CTNND2: variants seen among roughly 807,000 people sequenced by gnomAD.
The protein encoded by CTNND2 is catenin delta 2, also known as catenin delta-2.
CTNND2 carries 22 observed loss-of-function variants against 144.4 expected under a neutral mutation model. The ratio of observed to expected loss-of-function variants is 0.15; its 90% confidence interval spans 0.11 to 0.22. CTNND2 has a LOEUF of 0.22. Among genes scored for constraint, CTNND2 ranks in the 10% least tolerant of loss-of-function variants. CTNND2 has a pLI of 1.00. For missense variants in CTNND2, 1,353 were observed against 1,618.8 expected, an observed-to-expected ratio of 0.84 and a Z score of 2.82; for synonymous variants, 751 against 695.6, an observed-to-expected ratio of 1.08 and a Z score of -1.25.
intron 16 of CTNND2, among the ~76,000 whole-genome samples, chr5:11,071,153 C>T (rs12659850): frequency 0.13 from 19,295 of 152,090 alleles, 2,240 homozygotes; most frequent in East Asian, 0.58. Flanking sequence ...CAAATGCTGC[C>T]GGAAGGTTCC....
chr5:11,601,217 GAAC>G (rs1779775936), intron 2 of CTNND2, among the ~76,000 whole-genome samples: 1 of 152,084 alleles, frequency 6.6e-6, no homozygotes, highest in Non-Finnish European at 1.5e-5. Context: ...AAATATTTGA[GAAC>G]AACAGGAAAG....
At chr5:11,768,479 C>T (rs1474249973) in intron 1 of CTNND2, among the ~76,000 whole-genome samples, 3 of 152,050 alleles carry the variant, frequency 2.0e-5, no homozygotes, top group African/African-American at 7.2e-5. Flanking sequence ...TCAGTAGAGA[C>T]GGGTTTTCAT....
chr5:11,107,132 T>C (rs1371918812), intron 14 of CTNND2, among the ~76,000 whole-genome samples: 1 of 152,198 alleles, frequency 6.6e-6, no homozygotes, highest in Non-Finnish European at 1.5e-5. Context: ...AAAGGATATA[T>C]GCCCAGATGT....
At chr5:11,523,592 G>C (rs765074548) in intron 3 of CTNND2, among the ~76,000 whole-genome samples, 2 of 152,190 alleles carry the variant, frequency 1.3e-5, no homozygotes, top group Non-Finnish European at 2.9e-5. Context: ...TTTCTTCAGA[G>C]AAGAACTTTT....
intron 2 of CTNND2, among the ~76,000 whole-genome samples, chr5:11,710,539 C>CA (rs1197887467): frequency 0.13 from 9,191 of 68,444 alleles, 474 homozygotes; most frequent in African/African-American, 0.22. Context: ...GACTCCATCT[C>CA]AAAAAAAAAA....
intron 2 of CTNND2, among the ~76,000 whole-genome samples, chr5:11,662,189 A>ATATATGTGTATATATGCATATATGTG (rs1783276075): frequency 7.5e-6 from 1 of 133,490 alleles, no homozygotes; most frequent in African/African-American, 2.6e-5. Flanking sequence ...ATATATGTGT[A>ATATATGTGTATATATGCATATATGTG]TATATGTGTA....
intron 2 of CTNND2, among the ~76,000 whole-genome samples, chr5:11,663,196 A>T (rs1397154998): frequency 6.6e-6 from 1 of 152,222 alleles, no homozygotes; most frequent in African/African-American, 2.4e-5. Flanking sequence ...ATCATAAAAA[A>T]TGTGTCTGCA....
chr5:11,792,880 CT>C (rs1479134710), intron 1 of CTNND2, among the ~76,000 whole-genome samples: 5 of 152,132 alleles, frequency 3.3e-5, no homozygotes, highest in Admixed American at 1.3e-4. Flanking sequence ...CCAACAAAGG[CT>C]TAAAATGATA....
intron 19 of CTNND2, among the ~76,000 whole-genome samples, chr5:10,990,356 G>A (rs1738531903): frequency 6.6e-6 from 1 of 152,188 alleles, no homozygotes. Flanking sequence ...AAGAACAACT[G>A]AGTCCTTAGC....
intron 12 of CTNND2, among the ~76,000 whole-genome samples, chr5:11,131,899 G>A (rs772167772): frequency 2.0e-5 from 3 of 151,960 alleles, no homozygotes; most frequent in Non-Finnish European, 4.4e-5. Context: ...TTAACAAATC[G>A]TACTTCAAAG....
At chr5:11,272,174 G>C (rs1746095601) in intron 9 of CTNND2, among the ~76,000 whole-genome samples, 2 of 152,032 alleles carry the variant, frequency 1.3e-5, no homozygotes. Flanking sequence ...GATTAATTCA[G>C]AAAACAATTA....
At chr5:11,467,405 C>A (rs182719542) in intron 3 of CTNND2, among the ~76,000 whole-genome samples, 1 of 152,284 alleles carries the variant, frequency 6.6e-6, no homozygotes, top group East Asian at 1.9e-4. Context: ...TTGCTTATGT[C>A]GGAGGCTGAG....
intron 1 of CTNND2, among the ~76,000 whole-genome samples, chr5:11,885,210 A>G (rs896704987): frequency 2.0e-5 from 3 of 152,018 alleles, no homozygotes; most frequent in Non-Finnish European, 4.4e-5. Context: ...TTCCCCTTCA[A>G]TTTTTTGGAC....
At chr5:11,613,341 A>C (rs1023608069) in intron 2 of CTNND2, among the ~76,000 whole-genome samples, 1 of 152,224 alleles carries the variant, frequency 6.6e-6, no homozygotes, top group Non-Finnish European at 1.5e-5. Flanking sequence ...AAATTAAAAT[A>C]ATCTTTTTAA....
At chr5:11,713,863 G>T (rs1315526832) in intron 2 of CTNND2, among the ~76,000 whole-genome samples, 1 of 152,050 alleles carries the variant, frequency 6.6e-6, no homozygotes, top group Non-Finnish European at 1.5e-5. Context: ...ATCTAAACTT[G>T]CCATCTTTAG....
intron 9 of CTNND2, among the ~76,000 whole-genome samples, chr5:11,314,205 G>A (rs1751276118): frequency 6.6e-6 from 1 of 152,068 alleles, no homozygotes; most frequent in Non-Finnish European, 1.5e-5. Context: ...GCTCAACTGT[G>A]GACTAGTCCC....
At chr5:11,262,877 C>G (rs1745056474) in intron 9 of CTNND2, among the ~76,000 whole-genome samples, 1 of 151,922 alleles carries the variant, frequency 6.6e-6, no homozygotes, top group Non-Finnish European at 1.5e-5. Flanking sequence ...TTCCCTGATC[C>G]CCCTAACTCC....
At chr5:11,140,602 C>CCAA (rs1561371723) in intron 12 of CTNND2, among the ~76,000 whole-genome samples, 4 of 152,166 alleles carry the variant, frequency 2.6e-5, no homozygotes, top group Non-Finnish European at 5.9e-5. Context: ...CCAGTTCCTA[C>CCAA]TGTGATGTCA....
At chr5:11,118,609 C>G (rs1395995294) in intron 12 of CTNND2, among the ~76,000 whole-genome samples, 1 of 152,044 alleles carries the variant, frequency 6.6e-6, no homozygotes, top group Non-Finnish European at 1.5e-5. Context: ...GAACTCAGAC[C>G]CCAGCTCTCT....
Sources: gnomAD v4.1 joint callset for allele counts (sites outside exome capture counted in the v4.1 genomes callset) on GRCh38, gnomAD v4.1.1 for gene constraint, MANE v1.5 for transcripts, NCBI Gene and HGNC (gene_info 2026-07-23, HGNC 2026-07-21) for gene names.